B4GALNT2: variants seen among roughly 807,000 people sequenced by gnomAD.
B4GALNT2 encodes beta-1,4-N-acetyl-galactosaminyltransferase 2 (SID blood group).
B4GALNT2 carries 42 observed loss-of-function variants against 51.1 expected under a neutral mutation model. The ratio of observed to expected loss-of-function variants is 0.82; its 90% confidence interval spans 0.64 to 1.06. The LOEUF is 1.06. B4GALNT2 is among the 50% of genes least tolerant of loss of function. The pLI, the probability that B4GALNT2 is intolerant of heterozygous loss-of-function variation, is 0.00. For missense variants in B4GALNT2, 602 were observed against 633.6 expected (o/e 0.95, Z 0.54); for synonymous variants, 253 against 251.7 (o/e 1.01, Z -0.05).
At chr17:49,157,378 TGGTGCAATCTCTGCTCACTG>T in intron 5 of B4GALNT2, among the ~76,000 whole-genome samples, 1 of 109,034 alleles carries the variant, frequency 9.2e-6, no homozygotes. Context: ...TGGAGTGCAG[TGGTGCAATCTCTGCTCACTG>T]CAACCTCCAC....
Position 49,168,780 on chromosome 17 carries a change from C to A in B4GALNT2, c.1195C>A (p.Pro399Thr). Reference protein sequence around the residue: ...CLHKRMGFFQPLDGFPSCVVT... With the variant: ...CLHKRMGFFQTLDGFPSCVVT... The stretch of plus-strand genomic sequence containing the variant: ...TCACAAGAGGATGGGATTTTTCCAA[C>A]CCCTGGATGGCTTCCCCAGCTGCGT... Residue 399 changes from proline (P) to threonine (T), a missense_variant, in exon 10 of 11, where the codon CCC becomes ACC. Pro to Thr is a conservative substitution (Grantham distance 38). Coordinates refer to ENST00000393354, the MANE Select transcript of B4GALNT2 (RefSeq NM_001159387.2). 6.2e-7 allele frequency: 1 copy of A among 1,614,060 alleles called. No individual in the cohort carries two copies.
intron 6 of B4GALNT2, among the ~76,000 whole-genome samples, chr17:49,160,333 A>T (rs564596737): frequency 6.6e-6 from 1 of 152,268 alleles, no homozygotes; most frequent in East Asian, 1.9e-4. Flanking sequence ...ACATTCTCAC[A>T]GGGGAAGAAA....
rs1567869753 is a variant in B4GALNT2 at position 49,171,648 on chromosome 17, T to C, written c.*1920T>C. On this transcript the variant is annotated 3_prime_UTR_variant, in exon 11 of 11. Transcript: ENST00000393354. ...TGTATTTCTTACCATTTCTACCATC[T>C]GACTGTTTTGTTTAGACCAGCTGAA... is the stretch of plus-strand genomic sequence containing the variant. 1 of 391,342 alleles carries C rather than the reference T, an allele frequency of 2.6e-6. No homozygotes were observed. Among genetic ancestry groups the C allele is most frequent in the South Asian group, 2.0e-5 (1 of 50,920 alleles). The allele number at this position is 391,342 out of a possible 1,614,324, so 24.2% of individuals were successfully genotyped here.
At chr17:49,127,144 G>C in the B4GALNT2 span, among the ~76,000 whole-genome samples, 1 of 152,130 alleles carries the variant, frequency 6.6e-6, no homozygotes, top group Non-Finnish European at 1.5e-5. Flanking sequence ...TTCAGGACAA[G>C]AATTTACCAT....
At chr17:49,153,134 G>A (rs926586514) in intron 4 of B4GALNT2, among the ~76,000 whole-genome samples, 1 of 151,810 alleles carries the variant, frequency 6.6e-6, no homozygotes, top group Admixed American at 6.6e-5. Flanking sequence ...AAAAGGGGCC[G>A]GGTGCTGTGC....
intron 4 of B4GALNT2, among the ~76,000 whole-genome samples, chr17:49,154,232 C>T (rs1471403280): frequency 2.0e-5 from 3 of 151,996 alleles, no homozygotes; most frequent in African/African-American, 7.2e-5. Flanking sequence ...AACTCCTGAC[C>T]TCAGGTGATC....
At chr17:49,144,773 G>GGA (rs1300052527) in intron 3 of B4GALNT2, among the ~76,000 whole-genome samples, 1 of 151,988 alleles carries the variant, frequency 6.6e-6, no homozygotes, top group Non-Finnish European at 1.5e-5. Flanking sequence ...CTAACAGGGG[G>GGA]GAGAGAGAGA....
chr17:49,147,088 G>A lies in B4GALNT2; in HGVS notation c.353+4916G>A, dbSNP rs923205370. On this transcript the variant is annotated intron_variant, in intron 3 of 10. Transcript: ENST00000393354. ...TTAGAGACCACATCTGTTATCCTCCGGAGAATGCATGACTGATGTGGAAGG... is the reference window on the plus strand; with the variant it reads ...TTAGAGACCACATCTGTTATCCTCCAGAGAATGCATGACTGATGTGGAAGG... Among the ~76,000 whole-genome samples, 9 of 152,246 alleles carry A rather than the reference G, an allele frequency of 5.9e-5. No individual in the cohort carries two copies. The East Asian group carries it at 7.7e-4, about 13-fold the overall frequency.
chr17:49,145,563 C>A (rs1426455479), intron 3 of B4GALNT2, among the ~76,000 whole-genome samples: 1 of 152,212 alleles, frequency 6.6e-6, no homozygotes, highest in Non-Finnish European at 1.5e-5. Flanking sequence ...ATTCTGTATT[C>A]CCCTTGCCTT....
upstream of B4GALNT2, among the ~76,000 whole-genome samples, chr17:49,128,537 G>T (rs141614190): frequency 2.6e-3 from 390 of 152,270 alleles, 3 homozygotes; most frequent in African/African-American, 9.0e-3. Flanking sequence ...TTTCATGAAG[G>T]GTGCAAGCTT....
intron 3 of B4GALNT2, among the ~76,000 whole-genome samples, chr17:49,147,335 T>A (rs1231317295): frequency 6.6e-6 from 1 of 152,048 alleles, no homozygotes; most frequent in Non-Finnish European, 1.5e-5. Flanking sequence ...TTTCCTCTTC[T>A]TTTCTTGTTT....
intron 1 of B4GALNT2, among the ~76,000 whole-genome samples, chr17:49,135,592 C>T (rs2042582486): frequency 6.6e-6 from 1 of 151,846 alleles, no homozygotes; most frequent in South Asian, 2.1e-4. Flanking sequence ...CCTTGCTATT[C>T]TTATGTGTTA....
chr17:49,152,883 C>T lies in B4GALNT2; in HGVS notation c.437C>T (p.Pro146Leu). The T allele has an allele frequency of 2.5e-6, 4 of 1,610,756 alleles. No homozygotes were observed. The highest frequency in any genetic ancestry group is 3.4e-6 in the Non-Finnish European group (4 of 1,178,318). ...CCAGTCCACGGAGTGGAGGTGATGC[C>T]CCTGCACACGGTTCCCATCCCAGGT... ...GYPVHGVEVM[P>L]LHTVPIPGLQ... is the part of the protein sequence containing the mutation. The change falls in exon 4 of 11, where the codon CCC becomes CTC. Residue 146 changes from proline to leucine, a missense_variant. Physicochemically the swap from Pro to Leu is moderately conservative, Grantham distance 98. Transcript: ENST00000393354.
Position 49,138,819 on chromosome 17 carries a change from G to A in B4GALNT2, c.15-2428G>A, listed in dbSNP as rs111776549. On this transcript the variant is annotated intron_variant, in intron 1 of 10. Transcript: ENST00000393354. ...TTGAACCCAGGAGGTGGAGGTTGCA[G>A]TGAGCTGAGATTGTGCCACTGCACT... Among the ~76,000 whole-genome samples the A allele has an allele frequency of 7.0e-4, 107 of 152,328 alleles. 2 individuals are homozygous for A. Among genetic ancestry groups the A allele is most frequent in the African/African-American group, 2.5e-3 (102 of 41,572 alleles).
At chr17:49,167,641 G>A (rs113197655) in intron 9 of B4GALNT2, among the ~76,000 whole-genome samples, 2,224 of 130,152 alleles carry the variant, frequency 0.017, 67 homozygotes, top group African/African-American at 0.062. Context: ...ACAGAGTCTC[G>A]CTCTGTCACT....
rs1474304836 is a variant in B4GALNT2 at position 49,175,290 on chromosome 17, C to A, written c.*5562C>A. The A allele has an allele frequency of 6.6e-6, 1 of 152,130 alleles. No individual in the cohort carries two copies. The highest frequency in any genetic ancestry group is 1.5e-5 in the Non-Finnish European group (1 of 68,026). 9.4% of individuals were successfully genotyped at this position (152,130 alleles called of 1,614,324 possible). A position where few individuals can be genotyped will look rare whatever the true frequency, so the allele number is the denominator to read the frequency against. On this transcript the variant is annotated 3_prime_UTR_variant, in exon 11 of 11. Coordinates refer to ENST00000393354, the MANE Select transcript of B4GALNT2 (RefSeq NM_001159387.2). ...AGCTGCTTTGTCTTGTTTATTTGTG[C>A]TTCCAAATTCTCCTATTCGTTTAAT...
rs2042992137 is a variant in B4GALNT2, at chr17:49,176,819, GAAA to G, written c.*7094_*7096del. On this transcript the variant is annotated 3_prime_UTR_variant, in exon 11 of 11. Coordinates refer to ENST00000393354, the MANE Select transcript of B4GALNT2 (RefSeq NM_001159387.2). ...CTGTGATATATTAATAAAAATTCCTGAAAAATGGACTTACAGCAAAATTGATTT... is the reference window on the plus strand; with the variant it reads ...CTGTGATATATTAATAAAAATTCCTGAATGGACTTACAGCAAAATTGATTT... 6.6e-6 allele frequency: 1 copy of G among 152,102 alleles called. No homozygotes were observed. The highest frequency in any genetic ancestry group is 1.5e-5 in the Non-Finnish European group (1 of 68,012). 9.4% of individuals were successfully genotyped at this position (152,102 alleles called of 1,614,324 possible). A position where few individuals can be genotyped will look rare whatever the true frequency, so the allele number is the denominator to read the frequency against.
At chr17:49,162,206 G>GA (rs1039861054) in intron 7 of B4GALNT2, among the ~76,000 whole-genome samples, 4 of 151,752 alleles carry the variant, frequency 2.6e-5, no homozygotes, top group Non-Finnish European at 5.9e-5. Flanking sequence ...GACAAATTGG[G>GA]AAAAAAATCT....
At position 49,135,129 on chromosome 17, in the gene B4GALNT2, T is replaced by C. The variant is rs181586074; in HGVS notation, c.14+2323T>C. The stretch of plus-strand genomic sequence containing the variant: ...AACTCGAATAGTTTAAATGTATTTA[T>C]TTTTCTGGGTACCATTTTAGAAAAT... On this transcript the variant is annotated intron_variant, in intron 1 of 10. Transcript: ENST00000393354. Among the ~76,000 whole-genome samples the C allele has an allele frequency of 5.4e-4, 81 of 150,872 alleles. 1 individual carries two copies. Among genetic ancestry groups the C allele is most frequent in the Non-Finnish European group, 1.1e-3 (76 of 67,518 alleles).
Sources: gnomAD v4.1 joint callset for allele counts (sites outside exome capture counted in the v4.1 genomes callset) on GRCh38, gnomAD v4.1.1 for gene constraint, MANE v1.5 for transcripts, NCBI Gene and HGNC (gene_info 2026-07-23, HGNC 2026-07-21) for gene names.